STK10: variants seen among roughly 807,000 people sequenced by gnomAD.
STK10 encodes serine/threonine-protein kinase 10.
A neutral mutation model predicts 113.8 loss-of-function variants in STK10; 78 were observed. The observed-to-expected ratio is 0.69, with a 90% confidence interval of 0.57 to 0.83. The LOEUF is 0.83. Among genes scored for constraint, STK10 ranks in the 40% least tolerant of loss-of-function variants. The probability of loss-of-function intolerance (pLI) is 0.00; values close to 1 mark genes in which losing one functional copy is unlikely to be tolerated. For synonymous variants in STK10, 465 were observed against 494.7 expected (o/e 0.94, Z 0.80); for missense variants, 1,109 against 1,280.1 (o/e 0.87, Z 2.04).
intron 10 of STK10, among the ~76,000 whole-genome samples, chr5:172,089,417 G>C (rs112234586): frequency 2.0e-5 from 3 of 149,782 alleles, no homozygotes; most frequent in African/African-American, 5.1e-5. Context: ...TGGATGGATG[G>C]ATGGATGGAT....
At chr5:172,070,267 A>C (rs140138648) in intron 12 of STK10, among the ~76,000 whole-genome samples, 2 of 150,282 alleles carry the variant, frequency 1.3e-5, no homozygotes, top group Non-Finnish European at 3.0e-5. Flanking sequence ...ATATATCTAT[A>C]TATCTATATA....
chr5:172,096,237 C>T (rs1768851253), intron 8 of STK10, among the ~76,000 whole-genome samples, 189 bp downstream of exon 8: 1 of 152,230 alleles, frequency 6.6e-6, no homozygotes, highest in Non-Finnish European at 1.5e-5. Flanking sequence ...CTGGCCAACA[C>T]CCCCTGCTGC....
rs1770719083 is a variant in STK10 at position 172,174,489 on chromosome 5, T to C, written c.156+13398A>G. Among the ~76,000 whole-genome samples the C allele has an allele frequency of 2.0e-5, 3 of 152,100 alleles. No homozygotes were observed. The South Asian group carries it at 6.2e-4, about 31-fold the overall frequency. ...CTGCACGCCTGCAGCTCAGCAGTTA[T>C]GAACTGAACATCTACCCTCCGCGGG... On this transcript the variant is annotated intron_variant, in intron 1 of 18. Coordinates refer to ENST00000176763, the MANE Select transcript of STK10 (RefSeq NM_005990.4).
chr5:172,080,560 T>C (rs573708092), intron 12 of STK10, among the ~76,000 whole-genome samples: 1 of 152,262 alleles, frequency 6.6e-6, no homozygotes, highest in Non-Finnish European at 1.5e-5. Flanking sequence ...AAACAGCCTA[T>C]GCTGAGATAA....
At chr5:172,122,683 G>A (rs1383271426) in intron 3 of STK10, among the ~76,000 whole-genome samples, 1 of 152,170 alleles carries the variant, frequency 6.6e-6, no homozygotes, top group Non-Finnish European at 1.5e-5. Context: ...GAGTGCAGTG[G>A]CACGATCTAG....
chr5:172,118,279 G>T (rs938461999), intron 3 of STK10, among the ~76,000 whole-genome samples: 1 of 152,140 alleles, frequency 6.6e-6, no homozygotes, highest in South Asian at 2.1e-4. Flanking sequence ...ACATAAGCCC[G>T]ACTGAGACAG....
In STK10 at chr5:172,153,104, T is replaced by C. The variant is rs1362464496; in HGVS notation, c.321+3520A>G. Among the ~76,000 whole-genome samples, 3 of 151,928 alleles carry C rather than the reference T, an allele frequency of 2.0e-5. No individual in the cohort carries two copies. In the South Asian group the frequency reaches 6.2e-4, roughly 32 times the overall value. ...GAGTTCAAGACCAGCCTGACCAACA[T>C]GGAGAAACCCCATCTCTACTAAAAA... is the stretch of plus-strand genomic sequence containing the variant. On this transcript the variant is annotated intron_variant, in intron 2 of 18. Coordinates refer to ENST00000176763, the MANE Select transcript of STK10 (RefSeq NM_005990.4).
chr5:172,176,852 G>A (rs968087752), intron 1 of STK10, among the ~76,000 whole-genome samples: 1 of 152,152 alleles, frequency 6.6e-6, no homozygotes, highest in East Asian at 1.9e-4. Context: ...GAAATGATTA[G>A]GTCTTAATGA....
intron 10 of STK10, among the ~76,000 whole-genome samples, chr5:172,086,281 A>G (rs184470113): frequency 2.6e-5 from 4 of 152,206 alleles, no homozygotes; most frequent in Non-Finnish European, 5.9e-5. Flanking sequence ...CGCTTTCTAC[A>G]GCCACAGAGG....
At chr5:172,169,512 T>G (rs1581189145) in intron 1 of STK10, among the ~76,000 whole-genome samples, 5 of 141,000 alleles carry the variant, frequency 3.5e-5, no homozygotes, top group South Asian at 2.3e-4. Context: ...AATGGGAGGG[T>G]GGGTGGATGG....
chr5:172,123,193 A>T (rs1331974171), intron 3 of STK10, among the ~76,000 whole-genome samples: 5 of 152,202 alleles, frequency 3.3e-5, no homozygotes, highest in Admixed American at 3.3e-4. Flanking sequence ...AGGGGCAGAA[A>T]CCCCTCTAAG....
chr5:172,105,384 C>T (rs1769076347), intron 7 of STK10, among the ~76,000 whole-genome samples: 1 of 152,076 alleles, frequency 6.6e-6, no homozygotes, highest in South Asian at 2.1e-4. Flanking sequence ...CACTGGCCAC[C>T]CCCTGCCACG....
intron 18 of STK10, among the ~76,000 whole-genome samples, chr5:172,047,770 C>G (rs1767522277): frequency 6.6e-6 from 1 of 152,140 alleles, no homozygotes; most frequent in Non-Finnish European, 1.5e-5. Flanking sequence ...GGGCAGTTCT[C>G]TCCTCAGAGA....
chr5:172,095,217 G>A (rs1768821514), intron 8 of STK10, among the ~76,000 whole-genome samples: 1 of 152,170 alleles, frequency 6.6e-6, no homozygotes, highest in Non-Finnish European at 1.5e-5. Flanking sequence ...GGCAGCTGGT[G>A]GAAGCAACTC....
intron 12 of STK10, among the ~76,000 whole-genome samples, chr5:172,073,793 CAAAAAA>C (rs60492751): frequency 1.0e-4 from 6 of 58,452 alleles, no homozygotes; most frequent in African/African-American, 2.2e-4. Flanking sequence ...CTAAAAATAG[CAAAAAA>C]AAAAAAAAAA....
At chr5:172,130,492 C>T (rs968802535) in intron 2 of STK10, among the ~76,000 whole-genome samples, 5 of 150,462 alleles carry the variant, frequency 3.3e-5, no homozygotes, top group Non-Finnish European at 5.9e-5. Context: ...GATCACACCA[C>T]AGCATTCCAG....
At chr5:172,153,061 C>T (rs1770270788) in intron 2 of STK10, among the ~76,000 whole-genome samples, 1 of 152,014 alleles carries the variant, frequency 6.6e-6, no homozygotes, top group Non-Finnish European at 1.5e-5. Context: ...CTGAGGCAGG[C>T]AGATCACCTG....
At chr5:172,081,291 C>T (rs576705167) in intron 12 of STK10, among the ~76,000 whole-genome samples, 1 of 145,284 alleles carries the variant, frequency 6.9e-6, no homozygotes, top group South Asian at 2.2e-4. Flanking sequence ...GCAGAGGTTG[C>T]AGTGAGCCGA....
rs752502188 is a variant in STK10, at chr5:172,043,175, A to G, written c.*1707T>C. ...AGTGGTGTGACCTTGGCTTACTGCA[A>G]CCTCTGCCTCCTGGGTTCAAGCGAT... is the stretch of plus-strand genomic sequence containing the variant. On this transcript the variant is annotated 3_prime_UTR_variant, in exon 19 of 19. Coordinates refer to ENST00000176763, the MANE Select transcript of STK10 (RefSeq NM_005990.4). 5 of 151,094 alleles carry G rather than the reference A, an allele frequency of 3.3e-5. No homozygotes were observed. The highest frequency in any genetic ancestry group is 7.4e-5 in the Non-Finnish European group (5 of 67,944). 9.4% of individuals were successfully genotyped at this position (151,094 alleles called of 1,614,324 possible).
Sources: gnomAD v4.1 joint callset for allele counts (sites outside exome capture counted in the v4.1 genomes callset) on GRCh38, gnomAD v4.1.1 for gene constraint, MANE v1.5 for transcripts, NCBI Gene and HGNC (gene_info 2026-07-23, HGNC 2026-07-21) for gene names.